The following NPIPB2 variants were observed in gnomAD, a reference collection of about 807,000 sequenced individuals.
NPIPB2 encodes nuclear pore complex-interacting protein family member B2.
In NPIPB2, 27 loss-of-function variants were observed where a neutral mutation model predicts 30.8. That is an observed-to-expected ratio of 0.88 (90% confidence interval 0.65 to 1.21). The LOEUF (loss-of-function observed/expected upper bound fraction) is 1.21. NPIPB2 is among the 50% of genes most tolerant of loss of function. The probability of loss-of-function intolerance (pLI) is 0.00; values close to 1 mark genes in which losing one functional copy is unlikely to be tolerated. For synonymous variants in NPIPB2, 147 were observed against 162.0 expected (o/e 0.91, Z 0.70); for missense variants, 440 against 446.2 (o/e 0.99, Z 0.13).
At chr16:11,950,518 C>G (rs1422745607) in intron 1 of NPIPB2, among the ~76,000 whole-genome samples, 1 of 152,124 alleles carries the variant, frequency 6.6e-6, no homozygotes, top group Non-Finnish European at 1.5e-5. Context: ...TTGCAAATGA[C>G]TTCTCTTCTG....
At chr16:11,944,332 A>G (rs2054978837), upstream of NPIPB2, among the ~76,000 whole-genome samples, 1 of 151,702 alleles carries the variant, frequency 6.6e-6, no homozygotes, top group African/African-American at 2.4e-5. Context: ...ACACCCAGCT[A>G]ATTTTTGTAG....
At chr16:11,943,499 C>G (rs1413035085), upstream of NPIPB2, among the ~76,000 whole-genome samples, 2 of 151,382 alleles carry the variant, frequency 1.3e-5, no homozygotes, top group African/African-American at 2.4e-5. Context: ...GTTAGGAGTT[C>G]GAGACCAGAC....
At chr16:11,963,746 C>G (rs1333362986) in intron 1 of NPIPB2, 1 of 151,992 alleles carries the variant, frequency 6.6e-6, no homozygotes, top group Non-Finnish European at 1.5e-5. Context: ...TGGTTAAAAG[C>G]AAATTCAAGC....
intron 1 of NPIPB2, among the ~76,000 whole-genome samples, chr16:11,963,693 T>G (rs569711530): frequency 3.3e-5 from 5 of 152,290 alleles, no homozygotes; most frequent in African/African-American, 1.2e-4. Context: ...CCTGCATTTT[T>G]GACAAACATC....
intron 1 of NPIPB2, among the ~76,000 whole-genome samples, chr16:11,955,543 A>C (rs1269436644): frequency 6.6e-6 from 1 of 151,502 alleles, no homozygotes; most frequent in Non-Finnish European, 1.5e-5. Flanking sequence ...CCCTGTCTCT[A>C]CTAAAAATAC....
intron 1 of NPIPB2, among the ~76,000 whole-genome samples, chr16:11,959,878 T>C (rs888329734): frequency 2.0e-5 from 3 of 152,086 alleles, no homozygotes; most frequent in African/African-American, 7.2e-5. Flanking sequence ...TAGGTTCAGG[T>C]GATCCTCCTG....
chr16:11,976,576 T>C, exon 1 of NPIPB2: 1 of 361,074 alleles, frequency 2.8e-6, no homozygotes, highest in East Asian at 4.1e-5. Context: ...ACCCTGAGTC[T>C]CCAGCCCGCG....
At chr16:11,958,262 C>T (rs2055127507) in intron 1 of NPIPB2, among the ~76,000 whole-genome samples, 1 of 151,658 alleles carries the variant, frequency 6.6e-6, no homozygotes, top group Non-Finnish European at 1.5e-5. Flanking sequence ...CTCACCTCTA[C>T]TAAAAATACA....
At chr16:11,937,065 A>G (rs887366929) in intron 2 of NPIPB2, among the ~76,000 whole-genome samples, 50 of 151,954 alleles carry the variant, frequency 3.3e-4, no homozygotes, top group African/African-American at 1.1e-3. Flanking sequence ...TCAACCATCC[A>G]GCCCTTCTAG....
chr16:11,935,569 C>T (rs1268037990), intron 2 of NPIPB2, among the ~76,000 whole-genome samples: 1 of 152,160 alleles, frequency 6.6e-6, no homozygotes, highest in African/African-American at 2.4e-5. Flanking sequence ...CTGCTTCAGC[C>T]TCCCAAAGTG....
chr16:11,956,236 C>T (rs2055111544), intron 1 of NPIPB2: 1 of 152,210 alleles, frequency 6.6e-6, no homozygotes, highest in Admixed American at 6.6e-5. Flanking sequence ...ATTGCTCAAG[C>T]CCTGTAAGTG....
chr16:11,965,095 C>T, intron 1 of NPIPB2: 1 of 575,016 alleles, frequency 1.7e-6, no homozygotes, highest in East Asian at 2.8e-5. Flanking sequence ...CACCCTGTCT[C>T]TTACCCCATC....
At chr16:11,955,887 G>A (rs371690549) in intron 1 of NPIPB2, among the ~76,000 whole-genome samples, 2 of 140,696 alleles carry the variant, frequency 1.4e-5, no homozygotes, top group South Asian at 2.3e-4. Context: ...TCTGGAACTT[G>A]ACTCTCGTTT....
At chr16:11,949,265 C>T (rs571248265) in intron 1 of NPIPB2, among the ~76,000 whole-genome samples, 8 of 152,270 alleles carry the variant, frequency 5.3e-5, no homozygotes, top group Admixed American at 1.3e-4. Flanking sequence ...TTACTGTGCA[C>T]GTCGGTGATC....
chr16:11,972,583 A>C (rs1241675016), intron 1 of NPIPB2, among the ~76,000 whole-genome samples: 1 of 151,974 alleles, frequency 6.6e-6, no homozygotes, highest in African/African-American at 2.4e-5. Context: ...TTCAAAAAAA[A>C]AGAAAAAAAA....
chr16:11,957,206 C>T (rs1211154027), intron 1 of NPIPB2, among the ~76,000 whole-genome samples: 2 of 150,238 alleles, frequency 1.3e-5, no homozygotes, highest in Non-Finnish European at 3.0e-5. Flanking sequence ...ACTCTGTCGC[C>T]CAGGCTGGAG....
chr16:11,944,348 G>A (rs2054978942), upstream of NPIPB2, among the ~76,000 whole-genome samples: 1 of 151,682 alleles, frequency 6.6e-6, no homozygotes, highest in African/African-American at 2.4e-5. Context: ...TGTAGTTTTA[G>A]TAGAGACGGG....
At chr16:11,940,758 T>TAAAAA (rs1205186064) in intron 1 of NPIPB2, among the ~76,000 whole-genome samples, 1 of 47,158 alleles carries the variant, frequency 2.1e-5, no homozygotes, top group Non-Finnish European at 3.9e-5. Context: ...AGACTCTGTC[T>TAAAAA]AAAAAAAAAA....
chr16:11,932,732 T>C (rs1183596523), intron 4 of NPIPB2, among the ~76,000 whole-genome samples: 28 of 100,196 alleles, frequency 2.8e-4, no homozygotes, highest in African/African-American at 1.1e-3. Flanking sequence ...GCCAAGATCA[T>C]GCCACTGCAC....
Sources: gnomAD v4.1 joint callset for allele counts (sites outside exome capture counted in the v4.1 genomes callset) on GRCh38, gnomAD v4.1.1 for gene constraint, MANE v1.5 for transcripts, NCBI Gene and HGNC (gene_info 2026-07-23, HGNC 2026-07-21) for gene names.